TAB2: variants seen among roughly 807,000 people sequenced by gnomAD.
TAB2 encodes TGF-beta-activated kinase 1 and MAP3K7-binding protein 2.
TAB2 carries 3 observed loss-of-function variants against 65.0 expected under a neutral mutation model. The observed-to-expected ratio is 0.05, with a 90% CI of 0.02 to 0.12. The LOEUF (loss-of-function observed/expected upper bound fraction) is 0.12, where lower values mean the gene tolerates loss of function less well. TAB2 is among the 10% of genes least tolerant of loss of function. The pLI, the probability that TAB2 is intolerant of heterozygous loss-of-function variation, is 1.00. For synonymous variants in TAB2, 298 were observed against 285.1 expected (o/e 1.05, Z -0.46); for missense variants, 623 against 840.3 (o/e 0.74, Z 3.20).
intron 1 of TAB2, among the ~76,000 whole-genome samples, chr6:149,269,708 T>C (rs1465498946): frequency 6.6e-6 from 1 of 152,244 alleles, no homozygotes; most frequent in East Asian, 1.9e-4. Context: ...TCATACAGGA[T>C]AAGGTCTTTG....
intron 1 of TAB2, chr6:149,218,818 C>G (rs1374632185): frequency 2.2e-6 from 1 of 455,248 alleles, no homozygotes; most frequent in African/African-American, 2.0e-5. Flanking sequence ...AAAGGATCTT[C>G]TGTGATCTTG....
chr6:149,269,985 C>T (rs1196695223), intron 1 of TAB2, among the ~76,000 whole-genome samples: 1 of 152,200 alleles, frequency 6.6e-6, no homozygotes, highest in African/African-American at 2.4e-5. Flanking sequence ...GGTCCTACAG[C>T]AAGCATACAT....
intron 1 of TAB2, among the ~76,000 whole-genome samples, chr6:149,288,338 T>G (rs1778714319): frequency 6.6e-6 from 1 of 152,178 alleles, no homozygotes; most frequent in Non-Finnish European, 1.5e-5. Context: ...ACAGAGACTA[T>G]GGGCCTCCTG....
At chr6:149,376,678 A>G (rs530172248) in intron 2 of TAB2, among the ~76,000 whole-genome samples, 2 of 152,200 alleles carry the variant, frequency 1.3e-5, no homozygotes, top group South Asian at 4.1e-4. Flanking sequence ...TTACCACTTA[A>G]TATTTGGCAT....
intron 1 of TAB2, among the ~76,000 whole-genome samples, chr6:149,365,196 A>T (rs530645546): frequency 6.6e-6 from 1 of 152,202 alleles, no homozygotes; most frequent in Non-Finnish European, 1.5e-5. Context: ...GCATCTTAAC[A>T]TAGGAAATGT....
chr6:149,306,563 A>C (rs1218204532), intron 1 of TAB2, among the ~76,000 whole-genome samples: 1 of 151,044 alleles, frequency 6.6e-6, no homozygotes, highest in Admixed American at 6.6e-5. Flanking sequence ...GTCTCAAAAA[A>C]AAAAAAAAAA....
chr6:149,350,451 G>A (rs955053795), intron 1 of TAB2, among the ~76,000 whole-genome samples: 1 of 152,000 alleles, frequency 6.6e-6, no homozygotes, highest in African/African-American at 2.4e-5. Context: ...ACCGCTAATG[G>A]CTACTTTGGA....
At chr6:149,352,911 G>A (rs1001109947) in intron 1 of TAB2, among the ~76,000 whole-genome samples, 6 of 152,176 alleles carry the variant, frequency 3.9e-5, no homozygotes, top group Admixed American at 2.6e-4. Flanking sequence ...TCCTGATGAG[G>A]AAAGTTGCGT....
At chr6:149,371,799 G>A (rs9285519) in intron 2 of TAB2, among the ~76,000 whole-genome samples, 60,587 of 151,752 alleles carry the variant, frequency 0.4, 12,244 homozygotes, top group East Asian at 0.6. Flanking sequence ...ATGAATCAGT[G>A]GTTTACATTT....
upstream of TAB2, chr6:149,218,614 T>TC: frequency 2.9e-6 from 1 of 346,076 alleles, no homozygotes; most frequent in South Asian, 2.2e-5. Flanking sequence ...CACTCTTATA[T>TC]TCTTACAGAT....
intron 1 of TAB2, among the ~76,000 whole-genome samples, chr6:149,294,370 C>A (rs1778837635): frequency 6.6e-6 from 1 of 152,112 alleles, no homozygotes; most frequent in African/African-American, 2.4e-5. Flanking sequence ...CTCAGGACAC[C>A]AATTATATTG....
chr6:149,262,510 G>C (rs972789453), intron 1 of TAB2, among the ~76,000 whole-genome samples: 12 of 151,384 alleles, frequency 7.9e-5, no homozygotes, highest in African/African-American at 2.9e-4. Context: ...TCCAGCCTGG[G>C]CAACAGAGTG....
chr6:149,361,540 C>T (rs556308003), intron 1 of TAB2, among the ~76,000 whole-genome samples: 148 of 152,268 alleles, frequency 9.7e-4, no homozygotes, highest in South Asian at 1.7e-3. Flanking sequence ...GGAGGGGCTG[C>T]TGCAAAGATC....
In TAB2 at chr6:149,343,665, AT is replaced by A. The variant is rs1210982451; in HGVS notation, c.-90+25651del. On this transcript the variant is annotated intron_variant, in intron 1 of 6. Coordinates refer to ENST00000637181, the MANE Select transcript of TAB2 (RefSeq NM_001292034.3). ...AAGAAACCAGCCAAGGAAGTTACAAATAGTCAGAGTCATCCTGGAGTGTAAC... is the reference window on the plus strand; with the variant it reads ...AAGAAACCAGCCAAGGAAGTTACAAAAGTCAGAGTCATCCTGGAGTGTAAC... Among the ~76,000 whole-genome samples the A allele has an allele frequency of 4.6e-5, 7 of 152,308 alleles. No homozygotes were observed. In the South Asian group the frequency reaches 1.4e-3, roughly 32 times the overall value.
In TAB2 at chr6:149,399,191, G is replaced by A; in HGVS notation, c.1939+7G>A. 3 of 1,612,356 alleles carry A rather than the reference G, an allele frequency of 1.9e-6. No individual in the cohort carries two copies. Among genetic ancestry groups the A allele is most frequent in the Non-Finnish European group, 1.7e-6 (2 of 1,178,682 alleles). On this transcript the variant is annotated splice_region_variant and intron_variant, in intron 6 of 6. Coordinates refer to ENST00000637181, the MANE Select transcript of TAB2 (RefSeq NM_001292034.3). The stretch of plus-strand genomic sequence containing the variant: ...GTGCCACCAAAACCCAAAGGTTAGT[G>A]TATCCATTAAATGTGAAAACTGTTA...
chr6:149,310,058 G>A (rs554125384), intron 1 of TAB2, among the ~76,000 whole-genome samples: 10 of 151,392 alleles, frequency 6.6e-5, no homozygotes, highest in South Asian at 4.2e-4. Context: ...GGAGTGGGGC[G>A]CAGTGCCTCA....
At chr6:149,407,345 A>C (rs868136948) in intron 6 of TAB2, among the ~76,000 whole-genome samples, 1 of 152,220 alleles carries the variant, frequency 6.6e-6, no homozygotes, top group Non-Finnish European at 1.5e-5. Context: ...TTGCTTCAAC[A>C]TAATCTGTTA....
intron 1 of TAB2, among the ~76,000 whole-genome samples, chr6:149,303,089 C>A (rs1353049532): frequency 1.3e-5 from 2 of 152,236 alleles, no homozygotes; most frequent in Non-Finnish European, 2.9e-5. Context: ...TATCTCCCAT[C>A]AACCCCAGAC....
In TAB2 at chr6:149,224,283, C is replaced by T. The variant is rs983217298; in HGVS notation, c.-121+5507C>T. Among the ~76,000 whole-genome samples, 9 of 152,188 alleles carry T rather than the reference C, an allele frequency of 5.9e-5. No individual in the cohort carries two copies. The South Asian group carries it at 6.2e-4, about 10-fold the overall frequency. ...CTAATTGCATTTAAGTATTATCTTA[C>T]AATACAGTGACCCAATCATTTTGGA... On this transcript the variant is annotated intron_variant, in intron 1 of 1. Coordinates refer to the TAB2 transcript ENST00000606202.
Sources: allele counts gnomAD v4.1 joint callset (sites outside exome capture counted in the v4.1 genomes callset), GRCh38; gene constraint gnomAD v4.1.1; transcripts MANE v1.5; gene names NCBI Gene and HGNC (gene_info 2026-07-23, HGNC 2026-07-21).